The following HSD17B12 variants were observed in gnomAD, a reference collection of about 807,000 sequenced individuals.
HSD17B12 encodes hydroxysteroid 17-beta dehydrogenase 12.
A neutral mutation model predicts 39.3 loss-of-function variants in HSD17B12; 32 were observed. The observed-to-expected ratio is 0.81, with a 90% CI of 0.61 to 1.09. The LOEUF (loss-of-function observed/expected upper bound fraction) is 1.09, where lower values mean the gene tolerates loss of function less well. Among genes scored for constraint, HSD17B12 ranks in the 50% least tolerant of loss-of-function variants. The pLI, the probability that HSD17B12 is intolerant of heterozygous loss-of-function variation, is 0.00. For missense variants in HSD17B12, 342 were observed against 382.9 expected, an observed-to-expected ratio of 0.89 and a Z score of 0.89; for synonymous variants, 150 against 146.7, an observed-to-expected ratio of 1.02 and a Z score of -0.16.
chr11:43,634,275 C>G, the HSD17B12 span, among the ~76,000 whole-genome samples: 1 of 152,022 alleles, frequency 6.6e-6, no homozygotes, highest in African/African-American at 2.4e-5. Flanking sequence ...ACCCTAGTCT[C>G]TATGGCTGAG....
the HSD17B12 span, among the ~76,000 whole-genome samples, chr11:43,616,327 G>A: frequency 4.7e-5 from 7 of 147,442 alleles, no homozygotes; most frequent in African/African-American, 1.7e-4. Flanking sequence ...AGAATCACTT[G>A]AACCTGGGAG....
chr11:43,817,472 A>G (rs1169662794), intron 6 of HSD17B12, among the ~76,000 whole-genome samples: 1 of 152,124 alleles, frequency 6.6e-6, no homozygotes, highest in Non-Finnish European at 1.5e-5. Context: ...GAATTTTTAT[A>G]GTTTCAGGTC....
intron 7 of HSD17B12, chr11:43,838,047 C>T (rs540090392): frequency 2.4e-5 from 10 of 421,808 alleles, no homozygotes; most frequent in South Asian, 8.2e-5. Context: ...GAGATCAACT[C>T]GAGGAGACTG....
chr11:43,617,292 T>C, the HSD17B12 span, among the ~76,000 whole-genome samples: 1 of 152,116 alleles, frequency 6.6e-6, no homozygotes, highest in African/African-American at 2.4e-5. Flanking sequence ...TGATGACCCA[T>C]CTTTTGGAGT....
the HSD17B12 span, among the ~76,000 whole-genome samples, chr11:43,644,037 G>T: frequency 6.6e-6 from 1 of 152,190 alleles, no homozygotes; most frequent in South Asian, 2.1e-4. Flanking sequence ...GCTAGATAGC[G>T]TAACTATAGG....
chr11:43,844,523 A>G (rs561822097), intron 9 of HSD17B12, among the ~76,000 whole-genome samples: 1 of 152,112 alleles, frequency 6.6e-6, no homozygotes, highest in Admixed American at 6.6e-5. Flanking sequence ...GTTGATGAGG[A>G]CTGTTTGTTC....
In HSD17B12 at chr11:43,760,144, C is replaced by T. The variant is rs748489149; in HGVS notation, c.283+6023C>T. ...AACTCCTGGCTTCATGTGATCCACC[C>T]ACCTCGGCCTGCCAAAGTGCTGGGA... On this transcript the variant is annotated intron_variant, in intron 3 of 10. Coordinates refer to ENST00000278353, the MANE Select transcript of HSD17B12 (RefSeq NM_016142.3). Among the ~76,000 whole-genome samples the T allele has an allele frequency of 8.5e-5, 13 of 152,136 alleles. No individual in the cohort carries two copies. The South Asian group carries it at 2.1e-3, about 24-fold the overall frequency.
At chr11:43,642,248 T>C in the HSD17B12 span, among the ~76,000 whole-genome samples, 5 of 151,724 alleles carry the variant, frequency 3.3e-5, no homozygotes, top group African/African-American at 1.2e-4. Flanking sequence ...ATTTTCTTCT[T>C]ATAAAGACAT....
chr11:43,606,676 A>C, the HSD17B12 span, among the ~76,000 whole-genome samples: 2 of 152,198 alleles, frequency 1.3e-5, no homozygotes, highest in East Asian at 3.8e-4. Flanking sequence ...TCTAGTGCAG[A>C]GCTCTAAGCA....
At chr11:43,855,039 A>G (rs2135154428) in intron 10 of HSD17B12, 105 bp from the exon 11 acceptor site, 1 of 1,077,234 alleles carries the variant, frequency 9.3e-7, no homozygotes, top group Non-Finnish European at 1.3e-6. Context: ...TTTAAAATCT[A>G]CCTATAAATA....
At chr11:43,689,965 A>C (rs1452350532) in intron 1 of HSD17B12, among the ~76,000 whole-genome samples, 1 of 152,014 alleles carries the variant, frequency 6.6e-6, no homozygotes, top group African/African-American at 2.4e-5. Flanking sequence ...CAACCTTGGC[A>C]TTGTTGCTTT....
At chr11:43,563,912 CT>C in the HSD17B12 span, among the ~76,000 whole-genome samples, 3 of 151,380 alleles carry the variant, frequency 2.0e-5, no homozygotes, top group South Asian at 2.1e-4. Context: ...GCAATACATT[CT>C]TTTTTTTTCT....
At chr11:43,588,200 A>T in the HSD17B12 span, among the ~76,000 whole-genome samples, 17 of 152,210 alleles carry the variant, frequency 1.1e-4, no homozygotes, top group Non-Finnish European at 2.1e-4. Context: ...ATCAGCTACT[A>T]AAAAAACTGG....
chr11:43,789,606 C>A (rs2135027614), intron 3 of HSD17B12, among the ~76,000 whole-genome samples: 1 of 152,248 alleles, frequency 6.6e-6, no homozygotes, highest in East Asian at 1.9e-4. Context: ...CCCTAGAGTA[C>A]TGGGAATTTT....
chr11:43,770,769 T>C (rs1260933819), intron 3 of HSD17B12, among the ~76,000 whole-genome samples: 1 of 152,134 alleles, frequency 6.6e-6, no homozygotes, highest in African/African-American at 2.4e-5. Flanking sequence ...CAGTCTTTAT[T>C]ATCCTTTAAG....
At chr11:43,630,596 G>A in the HSD17B12 span, among the ~76,000 whole-genome samples, 39 of 152,100 alleles carry the variant, frequency 2.6e-4, 1 homozygote, top group African/African-American at 1.2e-4. Context: ...AGATTATACT[G>A]TGGAGGAAGG....
the HSD17B12 span, among the ~76,000 whole-genome samples, chr11:43,652,594 A>G: frequency 7.9e-5 from 12 of 152,130 alleles, no homozygotes; most frequent in Non-Finnish European, 1.8e-4. Flanking sequence ...TAGGGTTCCC[A>G]TGACCCCCTG....
chr11:43,627,917 G>A, the HSD17B12 span, among the ~76,000 whole-genome samples: 1 of 151,774 alleles, frequency 6.6e-6, no homozygotes, highest in Non-Finnish European at 1.5e-5. Flanking sequence ...AAAATATTTT[G>A]TAGTATGCCA....
At chr11:43,760,248 C>T (rs982930237) in intron 3 of HSD17B12, among the ~76,000 whole-genome samples, 5 of 152,034 alleles carry the variant, frequency 3.3e-5, no homozygotes, top group African/African-American at 1.2e-4. Context: ...CAGGGTTTCG[C>T]CATGTTACCC....
Sources: allele counts gnomAD v4.1 joint callset (sites outside exome capture counted in the v4.1 genomes callset), GRCh38; gene constraint gnomAD v4.1.1; transcripts MANE v1.5; gene names NCBI Gene and HGNC (gene_info 2026-07-23, HGNC 2026-07-21).